Variants in AOAH observed in about 807,000 individuals in gnomAD.
AOAH encodes the protein acyloxyacyl hydrolase.
A neutral mutation model predicts 92.2 loss-of-function variants in AOAH; 64 were observed. That is an observed-to-expected ratio of 0.69 (90% CI 0.57 to 0.86). The LOEUF (loss-of-function observed/expected upper bound fraction) is 0.86, where lower values mean the gene tolerates loss of function less well. Among genes scored for constraint, AOAH ranks in the 40% least tolerant of loss-of-function variants. The pLI, the probability that AOAH is intolerant of heterozygous loss-of-function variation, is 0.00. For synonymous variants in AOAH, 263 were observed against 254.5 expected, an observed-to-expected ratio of 1.03 and a Z score of -0.32; for missense variants, 656 against 694.6, an observed-to-expected ratio of 0.94 and a Z score of 0.62.
chr7:36,539,039 G>A (rs1785255632), intron 16 of AOAH, among the ~76,000 whole-genome samples: 1 of 152,168 alleles, frequency 6.6e-6, no homozygotes, highest in African/African-American at 2.4e-5. Context: ...AGGGAGAAGT[G>A]GGGTGTTTGT....
intron 20 of AOAH, among the ~76,000 whole-genome samples, chr7:36,517,189 T>TCTTC (rs1783789006): frequency 1.5e-5 from 1 of 65,088 alleles, no homozygotes; most frequent in Non-Finnish European, 3.1e-5. Context: ...TTTCTTTCTT[T>TCTTC]CTTTCTTTCT....
chr7:36,687,250 C>T (rs938315207), intron 1 of AOAH, among the ~76,000 whole-genome samples: 2 of 152,112 alleles, frequency 1.3e-5, no homozygotes, highest in Admixed American at 1.3e-4. Flanking sequence ...ATATGTTTCC[C>T]ATAGGGCTGC....
chr7:36,616,196 G>A (rs1791866246), intron 11 of AOAH, among the ~76,000 whole-genome samples, 184 bp downstream of exon 11: 1 of 152,234 alleles, frequency 6.6e-6, no homozygotes, highest in South Asian at 2.1e-4. Flanking sequence ...CTGGGGAGGT[G>A]AGTAGAAGGA....
At chr7:36,689,695 C>A (rs1424956956) in intron 1 of AOAH, among the ~76,000 whole-genome samples, 1 of 152,108 alleles carries the variant, frequency 6.6e-6, no homozygotes, top group African/African-American at 2.4e-5. Flanking sequence ...AGAGAAGAGG[C>A]ACTCCCAAGA....
chr7:36,566,647 G>A (rs1787735839), intron 13 of AOAH, among the ~76,000 whole-genome samples: 1 of 152,088 alleles, frequency 6.6e-6, no homozygotes, highest in Non-Finnish European at 1.5e-5. Context: ...AACACCTGAA[G>A]CTGGTGATTA....
chr7:36,587,754 G>C (rs1165342863), intron 12 of AOAH, among the ~76,000 whole-genome samples: 1 of 152,098 alleles, frequency 6.6e-6, no homozygotes, highest in Non-Finnish European at 1.5e-5. Flanking sequence ...TTCTTTGAAA[G>C]CTCAAATTTT....
rs1786032474 is a variant in AOAH at position 36,549,450 on chromosome 7, T to C, written c.1047A>G (p.Lys349=). ...RNGASSRNLK[K]FIESLSRNKV... ...TATCTTCTGCTTACCTTTCTATAAA[T>C]TTCTTCAGGTTTCGGGAAGATGCAC... The change falls in exon 14 of 21, where the codon AAA becomes AAG. Residue 349 remains lysine, a synonymous_variant. Transcript: ENST00000617537. The C allele has an allele frequency of 6.3e-7, 1 of 1,596,382 alleles. No homozygotes were observed. The highest frequency in any genetic ancestry group is 1.3e-5 in the African/African-American group (1 of 74,596).
intron 12 of AOAH, among the ~76,000 whole-genome samples, chr7:36,577,228 G>A (rs990611965): frequency 1.3e-5 from 2 of 152,034 alleles, no homozygotes; most frequent in African/African-American, 4.8e-5. Flanking sequence ...CTAAGTTCTG[G>A]GTGAGATGAG....
chr7:36,721,513 G>C (rs899816921), intron 1 of AOAH, among the ~76,000 whole-genome samples: 1 of 152,176 alleles, frequency 6.6e-6, no homozygotes, highest in Non-Finnish European at 1.5e-5. Flanking sequence ...TCAGCACATA[G>C]GCAGTGCTCA....
At chr7:36,671,016 C>T (rs1395953435) in intron 3 of AOAH, among the ~76,000 whole-genome samples, 1 of 152,138 alleles carries the variant, frequency 6.6e-6, no homozygotes, top group Admixed American at 6.5e-5. Context: ...CTCTGGCACC[C>T]CCTTTTGGAC....
At chr7:36,667,822 A>G (rs915745455) in intron 3 of AOAH, among the ~76,000 whole-genome samples, 2 of 152,210 alleles carry the variant, frequency 1.3e-5, no homozygotes, top group Admixed American at 6.5e-5. Flanking sequence ...TTTATCCCTG[A>G]TAACTTTCCT....
intron 18 of AOAH, 70 bp from the exon 19 acceptor site, chr7:36,530,584 G>T: frequency 9.6e-7 from 1 of 1,039,586 alleles, no homozygotes; most frequent in Non-Finnish European, 1.5e-6. Flanking sequence ...AATTCAGGCA[G>T]AACAAAGAAA....
chr7:36,573,564 A>G (rs12672178), intron 13 of AOAH, among the ~76,000 whole-genome samples: 13,773 of 152,180 alleles, frequency 0.091, 736 homozygotes, highest in Admixed American at 0.14. Flanking sequence ...CTAAAAATAC[A>G]AAAAATAGCT....
intron 11 of AOAH, among the ~76,000 whole-genome samples, chr7:36,605,448 G>A (rs1213625352): frequency 6.6e-6 from 1 of 152,160 alleles, no homozygotes; most frequent in East Asian, 1.9e-4. Context: ...TAATTAACCA[G>A]GGGACAAGAG....
chr7:36,618,220 G>A lies in AOAH; in HGVS notation c.751+77C>T. 2.3e-6 allele frequency: 3 copies of A among 1,295,474 alleles called. No individual in the cohort carries two copies. The Admixed American group carries it at 5.1e-5, about 22-fold the overall frequency. The allele number at this position is 1,295,474 out of a possible 1,614,324, so 80.2% of individuals were successfully genotyped here. Reference sequence around the variant, plus strand: ...CATCAAGCACGTTCTGACTTAGGTGGTCTGCTCACTTCAATTTGACTCAAA... The same window carrying A: ...CATCAAGCACGTTCTGACTTAGGTGATCTGCTCACTTCAATTTGACTCAAA... On this transcript the variant is annotated intron_variant, in intron 10 of 20. Transcript: ENST00000617537.
chr7:36,591,472 T>G (rs1303822850), intron 12 of AOAH, among the ~76,000 whole-genome samples: 1 of 152,214 alleles, frequency 6.6e-6, no homozygotes, highest in African/African-American at 2.4e-5. Context: ...GGTCACTTAC[T>G]TTGTGAGATG....
intron 1 of AOAH, among the ~76,000 whole-genome samples, chr7:36,687,983 A>G (rs28645490): frequency 0.018 from 2,782 of 152,256 alleles, 98 homozygotes; most frequent in African/African-American, 0.064. Context: ...TTTGGCCTCG[A>G]TGTTCTGTCC....
chr7:36,575,070 TG>T (rs987425706), intron 13 of AOAH, among the ~76,000 whole-genome samples: 33 of 152,094 alleles, frequency 2.2e-4, no homozygotes, highest in African/African-American at 7.0e-4. Flanking sequence ...TTGACAGTGT[TG>T]GGGGGCTGTT....
rs1170692025 is a variant in AOAH at position 36,678,761 on chromosome 7, G to T, written c.224-4752C>A. 2.0e-5 allele frequency among the ~76,000 whole-genome samples: 3 copies of T among 152,126 alleles called. No individual in the cohort carries two copies. The South Asian group carries it at 6.2e-4, about 32-fold the overall frequency. On this transcript the variant is annotated intron_variant, in intron 2 of 20. Transcript: ENST00000617537. ...CAATGGCTGATATGGGACAGGAAAT[G>T]CTCTCTGAGAGCTAAATTCTGAGAG...
Sources: allele counts gnomAD v4.1 joint callset (sites outside exome capture counted in the v4.1 genomes callset), GRCh38; gene constraint gnomAD v4.1.1; transcripts MANE v1.5; gene names NCBI Gene and HGNC (gene_info 2026-07-23, HGNC 2026-07-21).